HMBOX1: variants seen among roughly 807,000 people sequenced by gnomAD.
HMBOX1 encodes the protein homeobox-containing protein 1.
HMBOX1 carries 14 observed loss-of-function variants against 54.5 expected under a neutral mutation model. The observed-to-expected ratio is 0.26, with a 90% CI of 0.17 to 0.40. The LOEUF is 0.40. Ranked by LOEUF, HMBOX1 falls within the 10% of genes least tolerant of loss-of-function variation. HMBOX1 has a pLI of 1.00. For synonymous variants in HMBOX1, 160 were observed against 181.0 expected (o/e 0.88, Z 0.93); for missense variants, 332 against 514.4 (o/e 0.65, Z 3.43).
intron 1 of HMBOX1, among the ~76,000 whole-genome samples, chr8:28,896,765 G>A (rs898600401): frequency 5.3e-5 from 8 of 152,210 alleles, no homozygotes; most frequent in South Asian, 2.1e-4. Flanking sequence ...GCTTGTGTAA[G>A]TACACTCTAT....
At chr8:28,968,327 G>T (rs960158582) in intron 2 of HMBOX1, among the ~76,000 whole-genome samples, 1 of 152,194 alleles carries the variant, frequency 6.6e-6, no homozygotes, top group Admixed American at 6.5e-5. Flanking sequence ...CTTTAAATGA[G>T]ACTTAAAGGA....
intron 3 of HMBOX1, among the ~76,000 whole-genome samples, chr8:28,971,386 C>T (rs1827389677): frequency 6.6e-6 from 1 of 152,106 alleles, no homozygotes; most frequent in African/African-American, 2.4e-5. Flanking sequence ...CCACTGCACC[C>T]AGCCGAAAAG....
chr8:28,922,883 T>C (rs1295120362), intron 1 of HMBOX1, among the ~76,000 whole-genome samples: 1 of 152,182 alleles, frequency 6.6e-6, no homozygotes, highest in Non-Finnish European at 1.5e-5. Flanking sequence ...TTTATTGTGA[T>C]TAAAGTGATG....
intron 1 of HMBOX1, among the ~76,000 whole-genome samples, chr8:28,960,753 CTTTTTCTTTTTCTTTT>C (rs537337299): frequency 0.056 from 3,666 of 65,636 alleles, 496 homozygotes; most frequent in African/African-American, 0.2. Flanking sequence ...TTCTCTTTTT[CTTTTTCTTTTTCTTTT>C]TTTTTTTTTT....
intron 1 of HMBOX1, among the ~76,000 whole-genome samples, chr8:28,905,331 G>A (rs188759686): frequency 2.6e-5 from 4 of 152,050 alleles, no homozygotes; most frequent in East Asian, 2.0e-4. Flanking sequence ...AACCAGGCGC[G>A]CGTGCATGCG....
intron 4 of HMBOX1, among the ~76,000 whole-genome samples, chr8:28,980,728 T>G (rs1334313281): frequency 1.3e-5 from 2 of 152,264 alleles, no homozygotes; most frequent in Middle Eastern, 3.4e-3. Flanking sequence ...TCAGATTGCA[T>G]TTTTTAATGA....
intron 5 of HMBOX1, among the ~76,000 whole-genome samples, chr8:29,017,171 C>G (rs984019229): frequency 3.9e-5 from 6 of 152,202 alleles, no homozygotes; most frequent in African/African-American, 9.6e-5. Flanking sequence ...GTCAGAGCAT[C>G]TTTCACTCCA....
chr8:28,959,962 C>T (rs1300092903), intron 1 of HMBOX1, among the ~76,000 whole-genome samples: 1 of 151,680 alleles, frequency 6.6e-6, no homozygotes, highest in Non-Finnish European at 1.5e-5. Flanking sequence ...TTTTTTTCCC[C>T]CAATACTATG....
At chr8:28,910,541 T>C (rs573142344) in intron 1 of HMBOX1, among the ~76,000 whole-genome samples, 7 of 152,348 alleles carry the variant, frequency 4.6e-5, no homozygotes, top group African/African-American at 1.2e-4. Flanking sequence ...CACATCCTTG[T>C]CAACACTTGT....
At chr8:28,937,307 T>C (rs192715636) in intron 1 of HMBOX1, among the ~76,000 whole-genome samples, 48 of 152,346 alleles carry the variant, frequency 3.2e-4, no homozygotes, top group East Asian at 3.1e-3. Context: ...TCTGTTACTT[T>C]ATGCCACCCT....
chr8:28,976,767 C>T (rs1452710976), intron 3 of HMBOX1, among the ~76,000 whole-genome samples: 1 of 145,274 alleles, frequency 6.9e-6, no homozygotes, highest in South Asian at 2.1e-4. Flanking sequence ...AGTGCAGTGG[C>T]ACGTTTTCGG....
chr8:28,970,165 C>T lies in HMBOX1; in HGVS notation c.146C>T (p.Thr49Ile). The change falls in exon 3 of 10, where the codon ACT (threonine) becomes ATT (isoleucine). Residue 49 changes from threonine to isoleucine, a missense_variant. Thr to Ile is a moderately conservative substitution (Grantham distance 89). This residue lies in a region of HMBOX1 where 146 missense variants were observed against 173.3 expected (regional missense o/e 0.84). Coordinates refer to ENST00000287701, the MANE Select transcript of HMBOX1 (RefSeq NM_001135726.3). The surrounding 1 kb of genome is among the most constrained non-coding windows in gnomAD (Gnocchi z 4.3). ...CATGAAATTCTCCATGCCTTGGAAA[C>T]TTTGGACCGTCTTGATCAAGAGCAT... is the stretch of plus-strand genomic sequence containing the variant. ...TKHEILHALE[T>I]LDRLDQEHSD... 6.2e-7 allele frequency: 1 copy of T among 1,614,162 alleles called. No homozygotes were observed. Among genetic ancestry groups the T allele is most frequent in the East Asian group, 2.2e-5 (1 of 44,882 alleles).
intron 1 of HMBOX1, among the ~76,000 whole-genome samples, chr8:28,956,398 A>G (rs1361312872): frequency 6.6e-6 from 1 of 152,000 alleles, no homozygotes; most frequent in Non-Finnish European, 1.5e-5. Flanking sequence ...AAGCATATCT[A>G]CAAGACCTGT....
chr8:28,948,354 G>A (rs1822854222), intron 1 of HMBOX1, among the ~76,000 whole-genome samples: 1 of 152,158 alleles, frequency 6.6e-6, no homozygotes, highest in African/African-American at 2.4e-5. Context: ...TTTGCTGAGT[G>A]CATAAATGAA....
intron 1 of HMBOX1, among the ~76,000 whole-genome samples, chr8:28,933,366 C>A (rs535971751): frequency 1.1e-3 from 164 of 152,288 alleles, no homozygotes; most frequent in Non-Finnish European, 2.1e-3. Context: ...ACTAAATAGA[C>A]TGCCAAATAA....
Position 28,980,115 on chromosome 8 carries a change from C to T in HMBOX1, c.545C>T (p.Ala182Val). Reference protein sequence around the residue: ...VIKEEIKAFLANRRISQAVVA... With the variant: ...VIKEEIKAFLVNRRISQAVVA... ...AAAGAGGAAATCAAAGCCTTTCTTG[C>T]CAATCGGAGGATTTCCCAAGCAGTT... Residue 182 changes from alanine to valine, a missense_variant, in exon 4 of 10, where the codon GCC becomes GTC. Transcript: ENST00000287701. 1.2e-6 allele frequency: 2 copies of T among 1,613,796 alleles called. No individual in the cohort carries two copies. The highest frequency in any genetic ancestry group is 1.7e-6 in the Non-Finnish European group (2 of 1,179,730).
chr8:28,941,718 TA>T (rs200081780), intron 1 of HMBOX1, among the ~76,000 whole-genome samples: 2 of 151,770 alleles, frequency 1.3e-5, no homozygotes, highest in African/African-American at 2.4e-5. Flanking sequence ...AGCCTAAGTT[TA>T]AAAAAAAATT....
At chr8:28,893,870 A>G (rs931239210) in intron 1 of HMBOX1, among the ~76,000 whole-genome samples, 3 of 152,140 alleles carry the variant, frequency 2.0e-5, no homozygotes, top group Admixed American at 6.5e-5. Flanking sequence ...CTCCCGTGCA[A>G]TTTAGTTCTG....
chr8:29,003,028 A>T lies in HMBOX1; in HGVS notation c.587-6044A>T, dbSNP rs1485611913. Among the ~76,000 whole-genome samples the T allele has an allele frequency of 2.6e-5, 4 of 152,126 alleles. No homozygotes were observed. The East Asian group carries it at 7.7e-4, about 29-fold the overall frequency. On this transcript the variant is annotated intron_variant, in intron 4 of 9. Transcript: ENST00000287701. ...TTTGTAATATTCAGTAATGGTGAGA[A>T]TGTAGGAAAACATGCTTATACTACG...
Sources: allele counts gnomAD v4.1 joint callset (sites outside exome capture counted in the v4.1 genomes callset), GRCh38; gene constraint gnomAD v4.1.1; regional missense constraint gnomAD v4.1.1; non-coding constraint Gnocchi (gnomAD v3.1); transcripts MANE v1.5; gene names NCBI Gene and HGNC (gene_info 2026-07-23, HGNC 2026-07-21).